USP45: variants seen among roughly 807,000 people sequenced by gnomAD.
USP45 encodes ubiquitin specific peptidase 45.
In USP45, 89 loss-of-function variants were observed where a neutral mutation model predicts 95.8. The ratio of observed to expected loss-of-function variants is 0.93; its 90% confidence interval spans 0.78 to 1.11. USP45 has a LOEUF of 1.11. Ranked by LOEUF, USP45 falls within the 50% of genes least tolerant of loss-of-function variation. The pLI, the probability that USP45 is intolerant of heterozygous loss-of-function variation, is 0.00. For synonymous variants in USP45, 281 were observed against 316.2 expected (o/e 0.89, Z 1.18); for missense variants, 898 against 942.5 (o/e 0.95, Z 0.62).
intron 8 of USP45, among the ~76,000 whole-genome samples, chr6:99,478,550 C>G (rs1243183682): frequency 6.6e-6 from 1 of 152,018 alleles, no homozygotes; most frequent in East Asian, 1.9e-4. Context: ...GAAATTTAAT[C>G]CACTTCTATG....
chr6:99,473,535 A>C (rs1280244659), intron 9 of USP45, among the ~76,000 whole-genome samples: 1 of 152,012 alleles, frequency 6.6e-6, no homozygotes, highest in Non-Finnish European at 1.5e-5. Flanking sequence ...GCAACAGAGC[A>C]AGACACTGTC....
At chr6:99,507,392 G>T in intron 4 of USP45, 36 bp downstream of exon 4, 2 of 1,324,672 alleles carry the variant, frequency 1.5e-6, no homozygotes, top group Non-Finnish European at 2.1e-6. Context: ...GGGGGCTGTG[G>T]TTAGTGGACA....
At chr6:99,490,992 C>T (rs1795046287) in intron 5 of USP45, among the ~76,000 whole-genome samples, 1 of 152,116 alleles carries the variant, frequency 6.6e-6, no homozygotes, top group African/African-American at 2.4e-5. Context: ...CCCCCTATTC[C>T]TGTTTTTTTT....
chr6:99,499,074 A>T lies in USP45; in HGVS notation c.478+4691T>A, dbSNP rs1485327073. Among the ~76,000 whole-genome samples, 7 of 152,202 alleles carry T rather than the reference A, an allele frequency of 4.6e-5. No individual in the cohort carries two copies. In the East Asian group the frequency reaches 1.4e-3, roughly 29 times the overall value. On this transcript the variant is annotated intron_variant, in intron 5 of 17. Coordinates refer to ENST00000500704, the MANE Select transcript of USP45 (RefSeq NM_001346022.3). ...TACAGGAGTGAGCCACCCATATACTATATGATTTTAGGATAGTGATGCCTA... is the reference window on the plus strand; with the variant it reads ...TACAGGAGTGAGCCACCCATATACTTTATGATTTTAGGATAGTGATGCCTA...
At chr6:99,509,911 A>C (rs1799399535) in intron 2 of USP45, among the ~76,000 whole-genome samples, 1 of 152,176 alleles carries the variant, frequency 6.6e-6, no homozygotes, top group Non-Finnish European at 1.5e-5. Flanking sequence ...CAAGTCCCGC[A>C]GTGGGCCCCG....
At chr6:99,443,765 GT>G in intron 14 of USP45, 103 bp from the exon 15 acceptor site, 1 of 752,974 alleles carries the variant, frequency 1.3e-6, no homozygotes, top group Non-Finnish European at 2.0e-6. Context: ...TTTTAAAAAT[GT>G]TAAAGAAATT....
chr6:99,484,180 T>C (rs1206697600), intron 7 of USP45, among the ~76,000 whole-genome samples: 1 of 151,074 alleles, frequency 6.6e-6, no homozygotes, highest in Non-Finnish European at 1.5e-5. Flanking sequence ...TTTTTCTTTT[T>C]TTTTTTTTAG....
chr6:99,491,225 G>A (rs1302080483), intron 5 of USP45, among the ~76,000 whole-genome samples: 2 of 152,148 alleles, frequency 1.3e-5, no homozygotes, highest in Admixed American at 6.5e-5. Flanking sequence ...CAAACACCAG[G>A]CATGGAAAAA....
chr6:99,477,774 T>C (rs924423735), intron 8 of USP45, among the ~76,000 whole-genome samples: 5 of 152,184 alleles, frequency 3.3e-5, no homozygotes, highest in African/African-American at 7.2e-5. Context: ...TAGCAGCACA[T>C]AGCAACATGC....
intron 8 of USP45, among the ~76,000 whole-genome samples, chr6:99,476,567 G>T (rs1790922177): frequency 1.3e-5 from 2 of 152,306 alleles, no homozygotes; most frequent in Admixed American, 1.3e-4. Context: ...CTGAGAATAT[G>T]GCTATCATTT....
At chr6:99,440,155 A>G (rs1317785386) in intron 15 of USP45, among the ~76,000 whole-genome samples, 1 of 152,216 alleles carries the variant, frequency 6.6e-6, no homozygotes, top group Non-Finnish European at 1.5e-5. Context: ...AGCTACTGAC[A>G]CATATGCTAT....
Position 99,443,675 on chromosome 6 carries a change from C to T in USP45, c.1976-13G>A, listed in dbSNP as rs766333122. 80 of 1,477,652 alleles carry T rather than the reference C, an allele frequency of 5.4e-5. No homozygotes were observed. In the Middle Eastern group the frequency reaches 1.1e-3, roughly 21 times the overall value. 91.5% of individuals were successfully genotyped at this position (1,477,652 alleles called of 1,614,324 possible). On this transcript the variant is annotated splice_polypyrimidine_tract_variant and intron_variant, in intron 14 of 17. Coordinates refer to ENST00000500704, the MANE Select transcript of USP45 (RefSeq NM_001346022.3). ...TCTACTTTCTTTTCTACATAAAATA[C>T]AATAAATTTATTTATAAAATTCCAT...
At chr6:99,443,282 G>A (rs1035272411) in intron 15 of USP45, among the ~76,000 whole-genome samples, 12 of 152,118 alleles carry the variant, frequency 7.9e-5, no homozygotes, top group Admixed American at 7.9e-4. Flanking sequence ...GGCCGAGGGA[G>A]CCACCGTGCC....
intron 4 of USP45, among the ~76,000 whole-genome samples, chr6:99,505,678 A>G (rs1045600862): frequency 1.5e-4 from 23 of 151,728 alleles, no homozygotes; most frequent in African/African-American, 5.1e-4. Flanking sequence ...CATTACACCA[A>G]TGCTACATTA....
intron 13 of USP45, among the ~76,000 whole-genome samples, chr6:99,450,323 T>C (rs552371008): frequency 6.6e-6 from 1 of 152,086 alleles, no homozygotes; most frequent in African/African-American, 2.4e-5. Context: ...AAGAATCAAA[T>C]AGGCACAATA....
intron 4 of USP45, 47 bp downstream of exon 4, chr6:99,507,381 G>T (rs201759612): frequency 3.7e-6 from 4 of 1,092,564 alleles, no homozygotes; most frequent in East Asian, 2.5e-5. Flanking sequence ...AAAAAAAATT[G>T]GGGGGCTGTG....
chr6:99,466,183 T>C (rs937958554), intron 11 of USP45, among the ~76,000 whole-genome samples: 1 of 152,028 alleles, frequency 6.6e-6, no homozygotes, highest in Non-Finnish European at 1.5e-5. Flanking sequence ...GCCTGGCTAA[T>C]TGTTTTGTAT....
At position 99,479,275 on chromosome 6, in the gene USP45, A is replaced by C. The variant is rs58191680; in HGVS notation, c.846-3045T>G. On this transcript the variant is annotated intron_variant, in intron 8 of 17. Coordinates refer to ENST00000500704, the MANE Select transcript of USP45 (RefSeq NM_001346022.3). ...GGGGTGACAGGAGTGCAATGACATT[A>C]ACAGCTCACTGAACACTCAAAACTC... is the stretch of plus-strand genomic sequence containing the variant. Among the ~76,000 whole-genome samples the C allele has an allele frequency of 4.7e-3, 709 of 152,154 alleles. 4 individuals are homozygous for C. Among genetic ancestry groups the C allele is most frequent in the African/African-American group, 0.017 (692 of 41,498 alleles).
In USP45 at chr6:99,478,758, A is replaced by C. The variant is rs566563990; in HGVS notation, c.846-2528T>G. On this transcript the variant is annotated intron_variant, in intron 8 of 17. Coordinates refer to ENST00000500704, the MANE Select transcript of USP45 (RefSeq NM_001346022.3). ...ATCACCCTAAGTGAACTAATGCAGAAGCAGAAAACCAAATAAAACAAACAA... is the reference window on the plus strand; with the variant it reads ...ATCACCCTAAGTGAACTAATGCAGACGCAGAAAACCAAATAAAACAAACAA... Among the ~76,000 whole-genome samples the C allele has an allele frequency of 4.6e-5, 7 of 152,328 alleles. No homozygotes were observed. The South Asian group carries it at 1.4e-3, about 32-fold the overall frequency.
Sources: allele counts gnomAD v4.1 joint callset (sites outside exome capture counted in the v4.1 genomes callset), GRCh38; gene constraint gnomAD v4.1.1; transcripts MANE v1.5; gene names NCBI Gene and HGNC (gene_info 2026-07-23, HGNC 2026-07-21).